HMBOX1: variants seen among roughly 807,000 people sequenced by gnomAD.
HMBOX1 encodes homeobox-containing protein 1.
HMBOX1 carries 14 observed loss-of-function variants against 54.5 expected under a neutral mutation model. The observed-to-expected ratio is 0.26, with a 90% CI of 0.17 to 0.40. The LOEUF (loss-of-function observed/expected upper bound fraction) is 0.40. HMBOX1 is among the 10% of genes least tolerant of loss of function. The pLI is 1.00. For missense variants in HMBOX1, 332 were observed against 514.4 expected (o/e 0.65, Z 3.43); for synonymous variants, 160 against 181.0 (o/e 0.88, Z 0.93).
chr8:29,025,243 G>A (rs982250006), intron 6 of HMBOX1, among the ~76,000 whole-genome samples: 3 of 152,222 alleles, frequency 2.0e-5, no homozygotes, highest in African/African-American at 7.2e-5. Context: ...TAAGAGTTGA[G>A]CATAGTGATA....
intron 3 of HMBOX1, among the ~76,000 whole-genome samples, chr8:28,976,631 G>T (rs1828420800): frequency 6.6e-6 from 1 of 151,898 alleles, no homozygotes; most frequent in Non-Finnish European, 1.5e-5. Context: ...TATCTTTTAA[G>T]TCTTTTGTTT....
chr8:28,997,642 G>T (rs1342153011), intron 4 of HMBOX1, among the ~76,000 whole-genome samples: 2 of 152,136 alleles, frequency 1.3e-5, no homozygotes, highest in African/African-American at 4.8e-5. Flanking sequence ...GACCTCCTGG[G>T]CTCAAGTGAT....
intron 1 of HMBOX1, among the ~76,000 whole-genome samples, chr8:28,956,852 C>G (rs375531304): frequency 6.6e-6 from 1 of 152,186 alleles, no homozygotes; most frequent in Non-Finnish European, 1.5e-5. Flanking sequence ...GCAGACACTT[C>G]TCAAAAGAAG....
intron 1 of HMBOX1, among the ~76,000 whole-genome samples, chr8:28,947,499 A>G (rs1822680476): frequency 6.6e-6 from 1 of 152,176 alleles, no homozygotes; most frequent in African/African-American, 2.4e-5. Flanking sequence ...TACCTAGTAA[A>G]TTGACTGATG....
At chr8:28,945,494 A>G (rs1480930906) in intron 1 of HMBOX1, among the ~76,000 whole-genome samples, 3 of 152,226 alleles carry the variant, frequency 2.0e-5, no homozygotes, top group Non-Finnish European at 4.4e-5. Flanking sequence ...GTGGTTGAAA[A>G]CCATTGCATT....
At chr8:28,946,361 G>C (rs1225539827) in intron 1 of HMBOX1, among the ~76,000 whole-genome samples, 1 of 151,214 alleles carries the variant, frequency 6.6e-6, no homozygotes, top group African/African-American at 2.4e-5. Flanking sequence ...TTGAGGTCAG[G>C]AGTTTGAAAC....
intron 1 of HMBOX1, 138 bp from the exon 2 acceptor site, chr8:28,963,673 G>C: frequency 2.1e-6 from 1 of 485,392 alleles, no homozygotes; most frequent in Admixed American, 3.5e-5. Flanking sequence ...TAAAGCAGTA[G>C]AATGCAAATC....
intron 6 of HMBOX1, among the ~76,000 whole-genome samples, chr8:29,031,853 A>G (rs1315026593): frequency 1.3e-5 from 2 of 152,212 alleles, no homozygotes; most frequent in South Asian, 2.1e-4. Flanking sequence ...ACCAAGTACA[A>G]TAAGGACACA....
intron 4 of HMBOX1, among the ~76,000 whole-genome samples, chr8:28,989,128 C>T (rs1162376053): frequency 2.0e-5 from 3 of 151,902 alleles, no homozygotes; most frequent in South Asian, 2.1e-4. Flanking sequence ...CAAAATTAGC[C>T]GGGCATGGTG....
intron 3 of HMBOX1, among the ~76,000 whole-genome samples, chr8:28,974,117 A>G (rs1827991926): frequency 6.6e-6 from 1 of 152,058 alleles, no homozygotes; most frequent in Non-Finnish European, 1.5e-5. Flanking sequence ...CCCAGCTCAT[A>G]ATGGAGATTT....
chr8:28,984,650 A>C (rs1336188225), intron 4 of HMBOX1, among the ~76,000 whole-genome samples: 1 of 152,248 alleles, frequency 6.6e-6, no homozygotes, highest in Non-Finnish European at 1.5e-5. Context: ...AGGTCAGCCA[A>C]GATTCTAAAT....
intron 1 of HMBOX1, among the ~76,000 whole-genome samples, chr8:28,941,149 A>G (rs1024254075): frequency 6.6e-6 from 1 of 152,128 alleles, no homozygotes; most frequent in African/African-American, 2.4e-5. Flanking sequence ...AGAAAGCTCT[A>G]TGGTTTCAGC....
chr8:28,908,463 A>C (rs1046925085), intron 1 of HMBOX1, among the ~76,000 whole-genome samples: 8 of 152,158 alleles, frequency 5.3e-5, no homozygotes, highest in African/African-American at 1.4e-4. Flanking sequence ...CTATTAAAAT[A>C]TGGGTTATGG....
chr8:29,005,232 CA>C (rs1314376877), intron 4 of HMBOX1, among the ~76,000 whole-genome samples: 1 of 152,090 alleles, frequency 6.6e-6, no homozygotes, highest in Non-Finnish European at 1.5e-5. Flanking sequence ...AGGGGGAAGA[CA>C]GAAATTCTTT....
At chr8:28,959,296 G>A (rs957667656) in intron 1 of HMBOX1, among the ~76,000 whole-genome samples, 1 of 152,174 alleles carries the variant, frequency 6.6e-6, no homozygotes, top group African/African-American at 2.4e-5. Context: ...GGCACTGTTA[G>A]ATACCAGGAC....
At chr8:28,926,282 GATAT>G (rs111417034) in intron 1 of HMBOX1, among the ~76,000 whole-genome samples, 47 of 145,556 alleles carry the variant, frequency 3.2e-4, no homozygotes, top group African/African-American at 6.0e-4. Flanking sequence ...ATTCATGGCA[GATAT>G]ATATATATAT....
At chr8:28,898,276 G>A (rs1812552897) in intron 1 of HMBOX1, among the ~76,000 whole-genome samples, 1 of 152,060 alleles carries the variant, frequency 6.6e-6, no homozygotes, top group Non-Finnish European at 1.5e-5. Context: ...TCATTAGCAG[G>A]AATATGACAA....
intron 1 of HMBOX1, among the ~76,000 whole-genome samples, chr8:28,962,432 C>T (rs1241456115): frequency 8.3e-6 from 1 of 121,134 alleles, no homozygotes; most frequent in African/African-American, 3.1e-5. Flanking sequence ...GGGAGCCTGA[C>T]CTTTTTTCTG....
chr8:28,939,815 A>G (rs1821049359), intron 1 of HMBOX1, among the ~76,000 whole-genome samples: 1 of 151,866 alleles, frequency 6.6e-6, no homozygotes, highest in African/African-American at 2.4e-5. Context: ...CGGCCGAGGA[A>G]CTTGTTAAAA....
Sources: gnomAD v4.1 joint callset for allele counts (sites outside exome capture counted in the v4.1 genomes callset) on GRCh38, gnomAD v4.1.1 for gene constraint, MANE v1.5 for transcripts, NCBI Gene and HGNC (gene_info 2026-07-23, HGNC 2026-07-21) for gene names.